The following SLC17A6 variants were observed in gnomAD, a reference collection of about 807,000 sequenced individuals.
SLC17A6 encodes solute carrier family 17 member 6.
Under a neutral mutation model 67.1 loss-of-function variants are expected in SLC17A6, and 35 were observed. That is an observed-to-expected ratio of 0.52 (90% CI 0.40 to 0.69). SLC17A6 has a LOEUF of 0.69. Ranked by LOEUF, SLC17A6 falls within the 30% of genes least tolerant of loss-of-function variation. The probability of loss-of-function intolerance (pLI) is 0.00; values close to 1 mark genes in which losing one functional copy is unlikely to be tolerated. For missense variants in SLC17A6, 588 were observed against 723.9 expected (o/e 0.81, Z 2.15); for synonymous variants, 285 against 252.3 (o/e 1.13, Z -1.23).
intron 3 of SLC17A6, among the ~76,000 whole-genome samples, chr11:22,349,566 C>T (rs1158210332): frequency 2.0e-5 from 3 of 152,206 alleles, no homozygotes; most frequent in Non-Finnish European, 4.4e-5. Context: ...TTTCCCGCTG[C>T]TGCAGCATTC....
chr11:22,376,963 G>C (rs776840646), intron 11 of SLC17A6, among the ~76,000 whole-genome samples: 4 of 152,068 alleles, frequency 2.6e-5, no homozygotes, highest in Non-Finnish European at 5.9e-5. Flanking sequence ...TACTCAAGCA[G>C]ATGTCTTCTG....
At chr11:22,357,561 C>A (rs982846061) in intron 3 of SLC17A6, among the ~76,000 whole-genome samples, 1 of 152,060 alleles carries the variant, frequency 6.6e-6, no homozygotes, top group East Asian at 1.9e-4. Flanking sequence ...CGGTTATCTA[C>A]GCCCAAATTT....
intron 8 of SLC17A6, among the ~76,000 whole-genome samples, chr11:22,373,390 A>G (rs1856195579): frequency 6.6e-6 from 1 of 152,154 alleles, no homozygotes; most frequent in Non-Finnish European, 1.5e-5. Flanking sequence ...GACTGCTTGA[A>G]ATATATTTAC....
At chr11:22,377,341 G>T in intron 11 of SLC17A6, 64 bp from the exon 12 acceptor site, 1 of 1,413,774 alleles carries the variant, frequency 7.1e-7, no homozygotes, top group South Asian at 1.4e-5. Flanking sequence ...TGCATTCAGA[G>T]AAGATGTTAG....
chr11:22,375,385 TA>T (rs531739128), intron 9 of SLC17A6, among the ~76,000 whole-genome samples: 78 of 151,644 alleles, frequency 5.1e-4, no homozygotes, highest in African/African-American at 9.4e-4. Flanking sequence ...AAAATAAAAA[TA>T]AAAAAAATAA....
intron 7 of SLC17A6, among the ~76,000 whole-genome samples, chr11:22,369,136 C>T (rs1241229986): frequency 1.3e-5 from 2 of 151,896 alleles, no homozygotes; most frequent in Non-Finnish European, 2.9e-5. Context: ...GCTACTGTTT[C>T]CTCACCAAGC....
At chr11:22,344,890 T>C (rs768531051) in intron 3 of SLC17A6, among the ~76,000 whole-genome samples, 3 of 152,192 alleles carry the variant, frequency 2.0e-5, no homozygotes, top group African/African-American at 4.8e-5. Context: ...TCACTCATTT[T>C]TTTCCCTAAA....
rs111937086 is a variant in SLC17A6 at position 22,343,291 on chromosome 11, C to T, written c.384C>T (p.His128=). ...NWDPETVGMI[H]GSFFWGYIIT... Reference sequence around the variant, plus strand: ...ACCCGGAAACCGTGGGGATGATCCACGGTTCCTTCTTTTGGGGCTACATCA... The same window carrying T: ...ACCCGGAAACCGTGGGGATGATCCATGGTTCCTTCTTTTGGGGCTACATCA... Residue 128 remains histidine (H), a synonymous_variant, in exon 3 of 12, where the codon CAC becomes CAT. Coordinates refer to ENST00000263160, the MANE Select transcript of SLC17A6 (RefSeq NM_020346.3). The T allele has an allele frequency of 2.3e-4, 376 of 1,612,456 alleles. 1 individual carries two copies. The African/African-American group carries it at 4.1e-3, about 18-fold the overall frequency.
At position 22,338,468 on chromosome 11, in the gene SLC17A6, C is replaced by T; in HGVS notation, c.-66C>T. Reference sequence around the variant, plus strand: ...CTTTAAGAGATTAAGACAATATGCGCAATCCTCGCCTTTCCTAGCAATCAC... The same window carrying T: ...CTTTAAGAGATTAAGACAATATGCGTAATCCTCGCCTTTCCTAGCAATCAC... On this transcript the variant is annotated 5_prime_UTR_variant, in exon 1 of 12. Transcript: ENST00000263160. 1.7e-6 allele frequency: 2 copies of T among 1,164,722 alleles called. No individual in the cohort carries two copies. Among genetic ancestry groups the T allele is most frequent in the South Asian group, 2.5e-5 (2 of 78,696 alleles). The allele number at this position is 1,164,722 out of a possible 1,614,324, so 72.1% of individuals were successfully genotyped here.
chr11:22,345,343 C>T (rs1855865190), intron 3 of SLC17A6, among the ~76,000 whole-genome samples: 1 of 144,292 alleles, frequency 6.9e-6, no homozygotes. Flanking sequence ...GATGGATTCT[C>T]ACTCTGTCAC....
chr11:22,361,010 A>T, intron 5 of SLC17A6, 26 bp downstream of exon 5: 1 of 1,594,810 alleles, frequency 6.3e-7, no homozygotes, highest in Non-Finnish European at 8.6e-7. Flanking sequence ...AGATGCAGCT[A>T]TGGTGGCTAA....
intron 8 of SLC17A6, among the ~76,000 whole-genome samples, chr11:22,372,843 G>A (rs1292750061): frequency 2.0e-5 from 3 of 152,156 alleles, no homozygotes. Flanking sequence ...TTTTGATCAT[G>A]TGTCAAGTGA....
chr11:22,352,952 C>T (rs2133865153), intron 3 of SLC17A6, among the ~76,000 whole-genome samples: 1 of 152,184 alleles, frequency 6.6e-6, no homozygotes, highest in South Asian at 2.1e-4. Context: ...GATAAAATTC[C>T]CATTACATGT....
At chr11:22,358,656 T>G (rs921955973) in intron 3 of SLC17A6, among the ~76,000 whole-genome samples, 1 of 152,280 alleles carries the variant, frequency 6.6e-6, no homozygotes, top group African/African-American at 2.4e-5. Flanking sequence ...TTTCTTTTTT[T>G]AACGAAGGAA....
intron 7 of SLC17A6, 29 bp downstream of exon 7, chr11:22,365,718 T>C (rs555921586): frequency 3.8e-6 from 6 of 1,587,486 alleles, no homozygotes; most frequent in Non-Finnish European, 5.1e-6. Flanking sequence ...TGTATATTCC[T>C]ATCTTATTCC....
chr11:22,361,007 G>C (rs368501904), intron 5 of SLC17A6, 23 bp downstream of exon 5: 3 of 1,594,814 alleles, frequency 1.9e-6, no homozygotes, highest in African/African-American at 2.7e-5. Context: ...TGCAGATGCA[G>C]CTATGGTGGC....
intron 7 of SLC17A6, among the ~76,000 whole-genome samples, chr11:22,366,889 C>G (rs1856118798): frequency 6.6e-6 from 1 of 151,416 alleles, no homozygotes; most frequent in African/African-American, 2.4e-5. Context: ...GCCTGTAATC[C>G]CAGCCACTCG....
intron 8 of SLC17A6, among the ~76,000 whole-genome samples, chr11:22,371,827 T>C (rs1457582626): frequency 6.6e-6 from 1 of 151,856 alleles, no homozygotes; most frequent in Non-Finnish European, 1.5e-5. Context: ...CAGATACTAA[T>C]TAGATTAGTT....
chr11:22,347,852 T>G (rs1841817024), intron 3 of SLC17A6, among the ~76,000 whole-genome samples: 1 of 152,238 alleles, frequency 6.6e-6, no homozygotes, highest in Admixed American at 6.5e-5. Flanking sequence ...AGGTTAGACT[T>G]CTCTATTCAA....
Sources: gnomAD v4.1 joint callset for allele counts (sites outside exome capture counted in the v4.1 genomes callset) on GRCh38, gnomAD v4.1.1 for gene constraint, MANE v1.5 for transcripts, NCBI Gene and HGNC (gene_info 2026-07-23, HGNC 2026-07-21) for gene names.